Variants in SPTBN1 observed in about 807,000 individuals in gnomAD.
SPTBN1 encodes the protein spectrin beta chain, non-erythrocytic 1.
Under a neutral mutation model 266.4 loss-of-function variants are expected in SPTBN1, and 32 were observed. The ratio of observed to expected loss-of-function variants is 0.12; its 90% CI spans 0.09 to 0.16. The LOEUF (loss-of-function observed/expected upper bound fraction) is 0.16. SPTBN1 is among the 10% of genes least tolerant of loss of function. The pLI is 1.00. For synonymous variants in SPTBN1, 1,336 were observed against 1,162.2 expected (o/e 1.15, Z -3.04); for missense variants, 2,296 against 3,067.1 (o/e 0.75, Z 5.94).
chr2:54,561,911 A>G (rs1673335378), intron 2 of SPTBN1, among the ~76,000 whole-genome samples: 1 of 150,880 alleles, frequency 6.6e-6, no homozygotes, highest in African/African-American at 2.4e-5. Flanking sequence ...TACAAGAGTG[A>G]TGGCTTTATC....
At chr2:54,514,970 A>C (rs1336403313) in intron 1 of SPTBN1, among the ~76,000 whole-genome samples, 1 of 152,232 alleles carries the variant, frequency 6.6e-6, no homozygotes, top group Non-Finnish European at 1.5e-5. Flanking sequence ...ACATTAGAAA[A>C]TATGGTTTAG....
In SPTBN1 at chr2:54,622,418, A is replaced by G. The variant is rs759655083; in HGVS notation, c.995A>G (p.Asn332Ser). ...ATTCTGAACAATCGCAAATTTGCCAATTCACTGGTCGGGGTTCAACAGCAG... is the reference window on the plus strand; with the variant it reads ...ATTCTGAACAATCGCAAATTTGCCAGTTCACTGGTCGGGGTTCAACAGCAG... ...IIILNNRKFA[N>S]SLVGVQQQLQ... is the part of the protein sequence containing the mutation. Residue 332 changes from asparagine (N) to serine (S), a missense_variant, in exon 9 of 36, where the codon AAT (asparagine) becomes AGT (serine). Asn to Ser is a conservative substitution (Grantham distance 46). Coordinates refer to ENST00000356805, the MANE Select transcript of SPTBN1 (RefSeq NM_003128.3). The G allele has an allele frequency of 9.9e-6, 16 of 1,614,084 alleles. No individual in the cohort carries two copies. Among genetic ancestry groups the G allele is most frequent in the East Asian group, 2.2e-5 (1 of 44,898 alleles).
intron 4 of SPTBN1, among the ~76,000 whole-genome samples, chr2:54,613,781 C>G (rs1677386453): frequency 6.6e-6 from 1 of 152,228 alleles, no homozygotes; most frequent in East Asian, 1.9e-4. Flanking sequence ...GCCATTGAAT[C>G]CACTAATTAC....
chr2:54,577,734 T>G (rs1320530391), intron 2 of SPTBN1, among the ~76,000 whole-genome samples: 2 of 152,200 alleles, frequency 1.3e-5, no homozygotes, highest in Non-Finnish European at 2.9e-5. Flanking sequence ...GAGCCAGGAT[T>G]CCAACCCACG....
At chr2:54,561,904 A>G (rs1434891396) in intron 2 of SPTBN1, among the ~76,000 whole-genome samples, 2 of 151,068 alleles carry the variant, frequency 1.3e-5, no homozygotes, top group Non-Finnish European at 2.9e-5. Context: ...ATTGAGATAC[A>G]AGAGTGATGG....
intron 14 of SPTBN1, 27 bp from the exon 15 acceptor site, chr2:54,629,865 G>T: frequency 1.2e-6 from 2 of 1,613,768 alleles, no homozygotes; most frequent in South Asian, 1.1e-5. Context: ...CCCAGGAGGT[G>T]ACCACCCTGT....
rs1020287222 is a variant in SPTBN1 at position 54,653,308 on chromosome 2, C to T, written c.5578-301C>T. The T allele has an allele frequency of 5.0e-5, 16 of 320,670 alleles. No homozygotes were observed. The highest frequency in any genetic ancestry group is 3.5e-4 in the African/African-American group (16 of 45,878). The allele number at this position is 320,670 out of a possible 1,614,324, so 19.9% of individuals were successfully genotyped here. On this transcript the variant is annotated intron_variant, in intron 26 of 35. Coordinates refer to ENST00000356805, the MANE Select transcript of SPTBN1 (RefSeq NM_003128.3). The surrounding 1 kb of genome is among the most constrained non-coding windows in gnomAD (Gnocchi z 5.1). Reference sequence around the variant, plus strand: ...GGACTGTATCTGAATATGTCCCACTCAGATATCCCAGGCTGCCTCCAGGGG... The same window carrying T: ...GGACTGTATCTGAATATGTCCCACTTAGATATCCCAGGCTGCCTCCAGGGG...
Position 54,659,275 on chromosome 2 carries a change from C to T in SPTBN1, c.6356+9C>T, listed in dbSNP as rs928444213. ...GAGTCCCAGCAGCAGTGGTGAGTCC[C>T]AGCAGCTCCAGAGGCTGGACCCTTA... is the stretch of plus-strand genomic sequence containing the variant. On this transcript the variant is annotated intron_variant, in intron 31 of 35. Coordinates refer to ENST00000356805, the MANE Select transcript of SPTBN1 (RefSeq NM_003128.3). The T allele has an allele frequency of 1.2e-6, 2 of 1,613,632 alleles. No individual in the cohort carries two copies. The highest frequency in any genetic ancestry group is 2.7e-5 in the African/African-American group (2 of 74,918).
At chr2:54,487,170 C>CTTTTTT (rs34779689) in intron 1 of SPTBN1, among the ~76,000 whole-genome samples, 7 of 98,572 alleles carry the variant, frequency 7.1e-5, no homozygotes, top group African/African-American at 2.6e-4. Flanking sequence ...ATTAGGATTT[C>CTTTTTT]TTTTTTTTTT....
intron 1 of SPTBN1, among the ~76,000 whole-genome samples, chr2:54,504,569 C>T (rs1398302857): frequency 2.0e-5 from 3 of 152,094 alleles, no homozygotes; most frequent in South Asian, 4.1e-4. Flanking sequence ...GATGTGTAGG[C>T]GTTGTATTAG....
chr2:54,614,467 A>T (rs1381672696), intron 4 of SPTBN1, among the ~76,000 whole-genome samples: 2 of 152,174 alleles, frequency 1.3e-5, no homozygotes, highest in African/African-American at 2.4e-5. Flanking sequence ...TGTCCATTAA[A>T]TACTGATGAT....
Position 54,629,476 on chromosome 2 carries a change from C to T in SPTBN1, c.2342C>T (p.Ser781Phe). Reference protein sequence around the residue: ...DVGHDEYSTQSLVKKHKDVAE... With the variant: ...DVGHDEYSTQFLVKKHKDVAE... ...GGCCACGATGAGTATTCCACACAGT[C>T]TCTGGTCAAGAAACACAAGGACGTG... Residue 781 changes from serine (S) to phenylalanine (F), a missense_variant, in exon 14 of 36, where the codon TCT becomes TTT. Coordinates refer to ENST00000356805, the MANE Select transcript of SPTBN1 (RefSeq NM_003128.3). 1 of 1,614,192 alleles carries T rather than the reference C, an allele frequency of 6.2e-7. No individual in the cohort carries two copies. Among genetic ancestry groups the T allele is most frequent in the Non-Finnish European group, 8.5e-7 (1 of 1,180,046 alleles).
At chr2:54,495,679 T>TTTTTTTTGTTTTTTTTTTTATTATACTC (rs1279259203) in intron 1 of SPTBN1, among the ~76,000 whole-genome samples, 1 of 142,990 alleles carries the variant, frequency 7.0e-6, no homozygotes, top group Non-Finnish European at 1.5e-5. Flanking sequence ...GCATGTGTTT[T>TTTTTTTTGTTTTTTTTTTTATTATACTC]TACCTTTATT....
chr2:54,648,183 C>T (rs936784214), intron 24 of SPTBN1, among the ~76,000 whole-genome samples: 1 of 152,096 alleles, frequency 6.6e-6, no homozygotes, highest in African/African-American at 2.4e-5. Flanking sequence ...AAGGAATTGG[C>T]CTTGTGCATT....
intron 1 of SPTBN1, among the ~76,000 whole-genome samples, chr2:54,488,698 C>T (rs1039192758): frequency 6.6e-6 from 1 of 152,064 alleles, no homozygotes; most frequent in Non-Finnish European, 1.5e-5. Context: ...GTCTTATCTC[C>T]TGATGTATTT....
rs1679678571 is a variant in SPTBN1, at chr2:54,643,003, G to A, written c.3879G>A (p.Glu1293=). The A allele has an allele frequency of 6.2e-7, 1 of 1,613,504 alleles. No homozygotes were observed. Among genetic ancestry groups the A allele is most frequent in the African/African-American group, 1.3e-5 (1 of 74,912 alleles). ...TGTAGCTGTCTCTCTGGATCAATGA[G>A]AAGATGCTCACAGCCCAGGACATGT... ...DCQELSLWIN[E]KMLTAQDMSY... Residue 1293 remains glutamate, a synonymous_variant, in exon 19 of 36, where the codon GAG becomes GAA. Transcript: ENST00000356805.
intron 18 of SPTBN1, among the ~76,000 whole-genome samples, chr2:54,638,256 G>A (rs4455201): frequency 6.6e-6 from 1 of 152,186 alleles, no homozygotes; most frequent in African/African-American, 2.4e-5. Flanking sequence ...TGATGTCCTA[G>A]AATATTGTGC....
In SPTBN1 at chr2:54,601,853, T is replaced by A. The variant is rs200009154; in HGVS notation, c.300+2610T>A. The stretch of plus-strand genomic sequence containing the variant: ...TTTCTGAGTAAAGTTCAAAGAAACA[T>A]TAATGACCCAGACAATTCCACCCTC... On this transcript the variant is annotated intron_variant, in intron 3 of 35. Transcript: ENST00000356805. Among the ~76,000 whole-genome samples the A allele has an allele frequency of 1.7e-4, 26 of 152,304 alleles. No homozygotes were observed. In the East Asian group the frequency reaches 4.8e-3, roughly 28 times the overall value.
intron 2 of SPTBN1, among the ~76,000 whole-genome samples, chr2:54,571,679 C>G (rs1011147607): frequency 3.4e-4 from 47 of 136,936 alleles, no homozygotes; most frequent in Non-Finnish European, 7.6e-5. Context: ...TTGTGAACTC[C>G]CAGGAGGATA....
Sources: allele counts gnomAD v4.1 joint callset (sites outside exome capture counted in the v4.1 genomes callset), GRCh38; gene constraint gnomAD v4.1.1; non-coding constraint Gnocchi (gnomAD v3.1); transcripts MANE v1.5; gene names NCBI Gene and HGNC (gene_info 2026-07-23, HGNC 2026-07-21).